Variants in MAGI2 observed in about 807,000 individuals in gnomAD.
MAGI2 encodes membrane associated guanylate kinase, WW and PDZ domain containing 2.
A neutral mutation model predicts 133.3 loss-of-function variants in MAGI2; 35 were observed. That is an observed-to-expected ratio of 0.26 (90% CI 0.20 to 0.35). MAGI2 has a LOEUF of 0.35. Ranked by LOEUF, MAGI2 falls within the 10% of genes least tolerant of loss-of-function variation. The probability of loss-of-function intolerance (pLI) is 1.00; values close to 1 mark genes in which losing one functional copy is unlikely to be tolerated. For missense variants in MAGI2, 1,636 were observed against 1,863.4 expected, an observed-to-expected ratio of 0.88 and a Z score of 2.25; for synonymous variants, 729 against 710.6, an observed-to-expected ratio of 1.03 and a Z score of -0.41.
intron 1 of MAGI2, among the ~76,000 whole-genome samples, chr7:79,033,045 T>A (rs778380612): frequency 6.6e-6 from 1 of 152,100 alleles, no homozygotes; most frequent in Non-Finnish European, 1.5e-5. Flanking sequence ...GCCAGGAGAT[T>A]TTTGAACCAC....
At chr7:78,648,453 A>G (rs754256420) in intron 2 of MAGI2, among the ~76,000 whole-genome samples, 3 of 152,186 alleles carry the variant, frequency 2.0e-5, no homozygotes, top group Non-Finnish European at 4.4e-5. Flanking sequence ...TGAAACCTGA[A>G]ATATTGTTGA....
intron 1 of MAGI2, among the ~76,000 whole-genome samples, chr7:79,363,398 G>C (rs1324047921): frequency 6.7e-6 from 1 of 148,256 alleles, no homozygotes; most frequent in Non-Finnish European, 1.5e-5. Context: ...AACATAGTAA[G>C]AATATATATT....
At chr7:78,577,723 G>A (rs965189250) in intron 3 of MAGI2, among the ~76,000 whole-genome samples, 1 of 152,086 alleles carries the variant, frequency 6.6e-6, no homozygotes, top group Non-Finnish European at 1.5e-5. Flanking sequence ...CCAGGAGAAG[G>A]AATTTCACAA....
In MAGI2 at chr7:79,332,335, C is replaced by A. The variant is rs74558540; in HGVS notation, c.301+120685G>T. Among the ~76,000 whole-genome samples, 13 of 152,318 alleles carry A rather than the reference C, an allele frequency of 8.5e-5. No homozygotes were observed. In the East Asian group the frequency reaches 1.9e-3, roughly 23 times the overall value. On this transcript the variant is annotated intron_variant, in intron 1 of 21. Coordinates refer to ENST00000354212, the MANE Select transcript of MAGI2 (RefSeq NM_012301.4). ...CCTAGTGTTTTGAATTATTAAATTG[C>A]GTAAGCAACTGCAATAATCCAAACT... is the stretch of plus-strand genomic sequence containing the variant.
intron 3 of MAGI2, among the ~76,000 whole-genome samples, chr7:78,605,719 A>G (rs1805736414): frequency 6.6e-6 from 1 of 152,206 alleles, no homozygotes; most frequent in South Asian, 2.1e-4. Context: ...CTAAGCACAA[A>G]GAGATGGAAA....
Position 78,292,903 on chromosome 7 carries a change from C to G in MAGI2, c.1409-36322G>C, listed in dbSNP as rs546649801. Among the ~76,000 whole-genome samples the G allele has an allele frequency of 1.4e-4, 21 of 152,224 alleles. No homozygotes were observed. The East Asian group carries it at 3.3e-3, about 24-fold the overall frequency. On this transcript the variant is annotated intron_variant, in intron 9 of 21. Transcript: ENST00000354212. ...CATATGTAGAAAGCTGAAACTGGAC[C>G]CCTTCCTTACATCTTATACAAAAAT...
chr7:78,573,107 A>G (rs1285370528), intron 3 of MAGI2, among the ~76,000 whole-genome samples: 3 of 109,564 alleles, frequency 2.7e-5, no homozygotes. Flanking sequence ...AGAGATATAC[A>G]TATGGAGAGA....
At chr7:78,852,482 T>C (rs1045629933) in intron 2 of MAGI2, among the ~76,000 whole-genome samples, 8 of 152,126 alleles carry the variant, frequency 5.3e-5, no homozygotes, top group Non-Finnish European at 5.9e-5. Flanking sequence ...TAACCTTCTA[T>C]GCATTCTAAA....
intron 2 of MAGI2, among the ~76,000 whole-genome samples, chr7:78,651,545 T>C (rs909621537): frequency 1.5e-4 from 23 of 152,236 alleles, no homozygotes; most frequent in African/African-American, 5.5e-4. Flanking sequence ...ATAAATGTTA[T>C]TAGAAACCCT....
rs1468731536 is a variant in MAGI2 at position 78,346,052 on chromosome 7, G to T, written c.1104-9C>A. ...TTCTTCTATTTATGTGGCTAAAAAA[G>T]AAAATTTCAGATTAGGATAACCGTG... On this transcript the variant is annotated splice_polypyrimidine_tract_variant and intron_variant, in intron 7 of 21. Coordinates refer to ENST00000354212, the MANE Select transcript of MAGI2 (RefSeq NM_012301.4). 1 of 1,613,608 alleles carries T rather than the reference G, an allele frequency of 6.2e-7. No individual in the cohort carries two copies. The highest frequency in any genetic ancestry group is 2.2e-5 in the East Asian group (1 of 44,850).
intron 9 of MAGI2, among the ~76,000 whole-genome samples, chr7:78,319,594 A>G (rs1212700018): frequency 6.6e-6 from 1 of 152,254 alleles, no homozygotes; most frequent in Admixed American, 6.5e-5. Context: ...ACAAAGACAC[A>G]ACATAACAAA....
intron 3 of MAGI2, among the ~76,000 whole-genome samples, chr7:78,524,018 T>C (rs1022860797): frequency 2.0e-5 from 3 of 150,802 alleles, no homozygotes; most frequent in African/African-American, 7.4e-5. Context: ...GGCTCCAAAC[T>C]GTCCTCAGCT....
intron 12 of MAGI2, among the ~76,000 whole-genome samples, chr7:78,192,905 G>T (rs1828374034): frequency 6.6e-6 from 1 of 152,126 alleles, no homozygotes; most frequent in Non-Finnish European, 1.5e-5. Flanking sequence ...GGGTGAGGTG[G>T]GGAGTCAGGA....
chr7:78,508,131 A>G (rs904459487), intron 4 of MAGI2, among the ~76,000 whole-genome samples: 3 of 152,150 alleles, frequency 2.0e-5, no homozygotes, highest in African/African-American at 7.2e-5. Context: ...TCTTTTTATA[A>G]GGACACCAGT....
At chr7:79,234,374 AT>A (rs1831681187) in intron 1 of MAGI2, among the ~76,000 whole-genome samples, 2 of 151,916 alleles carry the variant, frequency 1.3e-5, no homozygotes, top group Non-Finnish European at 2.9e-5. Flanking sequence ...CTCCTGGACA[AT>A]ATCCTGCAGA....
At chr7:78,302,772 C>T (rs13227684) in intron 9 of MAGI2, among the ~76,000 whole-genome samples, 26,931 of 152,182 alleles carry the variant, frequency 0.18, 3,190 homozygotes, top group Middle Eastern at 0.3. Context: ...AATTCCTACT[C>T]CCCCATTCCC....
intron 1 of MAGI2, among the ~76,000 whole-genome samples, chr7:79,244,004 T>C (rs1353102168): frequency 6.6e-6 from 1 of 152,134 alleles, no homozygotes; most frequent in Non-Finnish European, 1.5e-5. Context: ...CAGCCTTTGG[T>C]GGAAGAAACG....
At chr7:78,673,927 A>G (rs948105899) in intron 2 of MAGI2, among the ~76,000 whole-genome samples, 3 of 152,206 alleles carry the variant, frequency 2.0e-5, no homozygotes, top group Non-Finnish European at 4.4e-5. Flanking sequence ...TATGTTCAAT[A>G]TGCTCATCAC....
chr7:78,466,265 C>T (rs10485895), intron 6 of MAGI2, among the ~76,000 whole-genome samples: 12,212 of 152,236 alleles, frequency 0.08, 729 homozygotes, highest in East Asian at 0.15. Context: ...CAGCCTAACA[C>T]GGAGCACAGT....
Sources: gnomAD v4.1 joint callset for allele counts (sites outside exome capture counted in the v4.1 genomes callset) on GRCh38, gnomAD v4.1.1 for gene constraint, MANE v1.5 for transcripts, NCBI Gene and HGNC (gene_info 2026-07-23, HGNC 2026-07-21) for gene names.